Variants in ARSG observed in about 807,000 individuals in gnomAD.
ARSG encodes the protein arylsulfatase G, also known as ASG.
In ARSG, 37 loss-of-function variants were observed where a neutral mutation model predicts 50.5. The observed-to-expected ratio is 0.73, with a 90% CI of 0.56 to 0.96. The LOEUF (loss-of-function observed/expected upper bound fraction) is 0.96, where lower values mean the gene tolerates loss of function less well. Ranked by LOEUF, ARSG falls within the 50% of genes least tolerant of loss-of-function variation. The pLI is 0.00. For missense variants in ARSG, 629 were observed against 675.3 expected (o/e 0.93, Z 0.76); for synonymous variants, 225 against 254.6 (o/e 0.88, Z 1.11).
chr17:68,301,286 A>G (rs928785972), intron 1 of ARSG, among the ~76,000 whole-genome samples: 34 of 152,152 alleles, frequency 2.2e-4, no homozygotes, highest in African/African-American at 8.0e-4. Context: ...TCAAAATTAC[A>G]TATTGGGGTC....
At chr17:68,417,638 G>A (rs1477738808) in intron 11 of ARSG, among the ~76,000 whole-genome samples, 1 of 148,410 alleles carries the variant, frequency 6.7e-6, no homozygotes, top group East Asian at 2.0e-4. Context: ...GTTAAGTTGT[G>A]ATTGTTTCTA....
chr17:68,425,151 G>T (rs930386430), downstream of ARSG, among the ~76,000 whole-genome samples: 2 of 152,190 alleles, frequency 1.3e-5, no homozygotes, highest in Non-Finnish European at 2.9e-5. Flanking sequence ...CCAGCTAAAG[G>T]TGCTCGGGCA....
chr17:68,370,590 T>C lies in ARSG; in HGVS notation c.982+66T>C, dbSNP rs577704573. Reference sequence around the variant, plus strand: ...CTGAGCCCAGGCTGGGGTGTGGGATTCTGCCTCCGGGTGGGGGACAACTTA... The same window carrying C: ...CTGAGCCCAGGCTGGGGTGTGGGATCCTGCCTCCGGGTGGGGGACAACTTA... On this transcript the variant is annotated intron_variant, in intron 8 of 11. Coordinates refer to ENST00000621439, the MANE Select transcript of ARSG (RefSeq NM_001267727.2). 4 of 1,484,764 alleles carry C rather than the reference T, an allele frequency of 2.7e-6. No individual in the cohort carries two copies. In the Admixed American group the frequency reaches 5.2e-5, roughly 19 times the overall value. 92.0% of individuals were successfully genotyped at this position (1,484,764 alleles called of 1,614,324 possible).
At chr17:68,361,204 G>T (rs927636411) in intron 6 of ARSG, among the ~76,000 whole-genome samples, 1 of 152,106 alleles carries the variant, frequency 6.6e-6, no homozygotes, top group Non-Finnish European at 1.5e-5. Flanking sequence ...TAATGGGGTG[G>T]TATTAGGAGG....
rs75710528 is a variant in ARSG at position 68,333,996 on chromosome 17, T to G, written c.219-9608T>G. Among the ~76,000 whole-genome samples, 452 of 152,178 alleles carry G rather than the reference T, an allele frequency of 3.0e-3. 6 individuals carry two copies. Among genetic ancestry groups the G allele is most frequent in the African/African-American group, 0.01 (426 of 41,502 alleles). On this transcript the variant is annotated intron_variant, in intron 2 of 11. Transcript: ENST00000621439. ...GTGATGGAGGGAAGAAAGCCTGCAG[T>G]GTTTCTTCTAGCCTCCAGGAGACTG...
At chr17:68,359,553 G>C (rs1218506390) in intron 6 of ARSG, 1 of 152,224 alleles carries the variant, frequency 6.6e-6, no homozygotes, top group Non-Finnish European at 1.5e-5. Flanking sequence ...CTTAGCCTAA[G>C]TGGTCAAGAA....
chr17:68,445,709 G>T, the ARSG span, among the ~76,000 whole-genome samples: 5 of 152,242 alleles, frequency 3.3e-5, no homozygotes, highest in Non-Finnish European at 7.3e-5. Flanking sequence ...GTGTTTAAAG[G>T]AATATAACGC....
At chr17:68,269,176 G>C in intron 1 of ARSG, 1 of 1,562,656 alleles carries the variant, frequency 6.4e-7, no homozygotes, top group Non-Finnish European at 8.6e-7. Flanking sequence ...GGTATGTCCT[G>C]TAAAGTCTTC....
rs544056786 is a variant in ARSG, at chr17:68,364,457, T to A, written c.705-4091T>A. Among the ~76,000 whole-genome samples the A allele has an allele frequency of 6.6e-5, 10 of 152,204 alleles. 1 individual carries two copies. Among genetic ancestry groups the A allele is most frequent in the African/African-American group, 2.2e-4 (9 of 41,532 alleles). ...GGCACAATCTGGGCTCACTGCAACC[T>A]CCGCCTCCTGGGTTCAAGCCATTCT... On this transcript the variant is annotated intron_variant, in intron 6 of 11. Transcript: ENST00000621439.
downstream of ARSG, chr17:68,426,250 G>GGGGGGGGGGGGGGT: frequency 3.6e-6 from 3 of 828,060 alleles, no homozygotes; most frequent in South Asian, 2.6e-5. Flanking sequence ...GGTGGGGAGC[G>GGGGGGGGGGGGGGT]GGGGCTCAAA....
the ARSG span, among the ~76,000 whole-genome samples, chr17:68,432,055 A>C: frequency 6.6e-6 from 1 of 152,236 alleles, no homozygotes; most frequent in South Asian, 2.1e-4. Context: ...GTGAAAGAAA[A>C]TCCTAAAAAG....
downstream of ARSG, chr17:68,424,306 C>A: frequency 2.4e-6 from 1 of 419,382 alleles, no homozygotes; most frequent in Non-Finnish European, 4.8e-6. Context: ...ACCCGCAGAG[C>A]CGATGTGGGA....
intron 11 of ARSG, among the ~76,000 whole-genome samples, chr17:68,417,671 T>G (rs56192804): frequency 0.031 from 4,703 of 150,104 alleles, 219 homozygotes; most frequent in South Asian, 0.19. Context: ...TCTCTCTAAT[T>G]TTGGGGGCAG....
chr17:68,306,079 C>T (rs376436877), intron 1 of ARSG, among the ~76,000 whole-genome samples: 22 of 151,736 alleles, frequency 1.4e-4, no homozygotes, highest in African/African-American at 3.9e-4. Context: ...CTCAGCTCGC[C>T]GCAATCTCTG....
At position 68,356,694 on chromosome 17, in the gene ARSG, C is replaced by A; in HGVS notation, c.594C>A (p.Asp198Glu). 1 of 1,614,228 alleles carries A rather than the reference C, an allele frequency of 6.2e-7. No homozygotes were observed. The highest frequency in any genetic ancestry group is 8.5e-7 in the Non-Finnish European group (1 of 1,180,036). The change falls in exon 6 of 12, where the codon GAC (aspartate) becomes GAA (glutamate). Residue 198 changes from aspartate (D) to glutamate (E), a missense_variant. Transcript: ENST00000621439. ...ACCTTCAAAGAGACTGTTACACTGACGTGGCCCTCCCTCTTTATGAAAACC... is the reference window on the plus strand; with the variant it reads ...ACCTTCAAAGAGACTGTTACACTGAAGTGGCCCTCCCTCTTTATGAAAACC... ...SRNLQRDCYT[D>E]VALPLYENLN... is the part of the protein sequence containing the mutation.
At chr17:68,260,591 G>A (rs781882528) in intron 1 of ARSG, among the ~76,000 whole-genome samples, 11 of 152,160 alleles carry the variant, frequency 7.2e-5, no homozygotes, top group Non-Finnish European at 1.5e-5. Flanking sequence ...GTGGTCAAGT[G>A]GTCCTCCCAC....
intron 1 of ARSG, among the ~76,000 whole-genome samples, chr17:68,275,588 T>C (rs140291060): frequency 6.6e-6 from 1 of 152,212 alleles, no homozygotes; most frequent in Non-Finnish European, 1.5e-5. Flanking sequence ...ACTTAAGCTT[T>C]GGGATTTTCT....
chr17:68,420,304 G>A lies in ARSG; in HGVS notation c.1419G>A (p.Ala473=), dbSNP rs138659920. The A allele has an allele frequency of 7.5e-5, 121 of 1,614,060 alleles. No individual in the cohort carries two copies. The highest frequency in any genetic ancestry group is 2.1e-4 in the African/African-American group (16 of 75,002). The change falls in exon 12 of 12, where the codon GCG becomes GCA. Residue 473 remains alanine, a synonymous_variant. Coordinates refer to ENST00000621439, the MANE Select transcript of ARSG (RefSeq NM_001267727.2). The stretch of plus-strand genomic sequence containing the variant: ...CTGTGCCCCTAGAAAGAGGTGGTGC[G>A]GAGTACCAGGCTGTGCTGCCCGAGG... The part of the protein sequence containing the change: ...AEAVPLERGG[A]EYQAVLPEVR...
At chr17:68,438,475 C>T in the ARSG span, among the ~76,000 whole-genome samples, 1 of 152,174 alleles carries the variant, frequency 6.6e-6, no homozygotes, top group Non-Finnish European at 1.5e-5. Flanking sequence ...GTGCTGGGTT[C>T]CCAAAGAGGC....
Sources: allele counts gnomAD v4.1 joint callset (sites outside exome capture counted in the v4.1 genomes callset), GRCh38; gene constraint gnomAD v4.1.1; transcripts MANE v1.5; gene names NCBI Gene and HGNC (gene_info 2026-07-23, HGNC 2026-07-21).